ZNF793: variants seen among roughly 807,000 people sequenced by gnomAD.
The protein encoded by ZNF793 is zinc finger protein 793.
A neutral mutation model predicts 12.4 loss-of-function variants in ZNF793; 5 were observed. That is an observed-to-expected ratio of 0.40 (90% CI 0.21 to 0.84). The LOEUF (loss-of-function observed/expected upper bound fraction) is 0.84. ZNF793 is among the 40% of genes least tolerant of loss of function. The pLI is 0.35. For missense variants in ZNF793, 456 were observed against 495.0 expected (o/e 0.92, Z 0.75); for synonymous variants, 162 against 172.4 (o/e 0.94, Z 0.47).
intron 7 of ZNF793, chr19:37,536,113 C>A (rs1031223878): frequency 8.8e-6 from 2 of 227,260 alleles, no homozygotes; most frequent in Non-Finnish European, 1.7e-5. Flanking sequence ...AGTTCACAAG[C>A]CCCCTGTTTT....
chr19:37,527,374 T>A (rs1363341866), intron 5 of ZNF793, among the ~76,000 whole-genome samples: 2 of 152,200 alleles, frequency 1.3e-5, no homozygotes, highest in Admixed American at 1.3e-4. Flanking sequence ...TTCCCTTTCT[T>A]ACAGATTTCA....
chr19:37,511,351 T>C (rs960862502), intron 2 of ZNF793, among the ~76,000 whole-genome samples: 10 of 152,172 alleles, frequency 6.6e-5, no homozygotes, highest in Non-Finnish European at 1.3e-4. Context: ...GTAATTTTGT[T>C]TGAAATTCTG....
At chr19:37,536,482 C>T (rs563998374) in intron 7 of ZNF793, 14 of 404,640 alleles carry the variant, frequency 3.5e-5, no homozygotes, top group Non-Finnish European at 1.3e-5. Context: ...CAAACTGTGG[C>T]CTACCGATTG....
At position 37,534,480 on chromosome 19, in the gene ZNF793, C is replaced by CCA. The variant is rs1358412831; in HGVS notation, c.238+1087_238+1088dup. On this transcript the variant is annotated intron_variant, in intron 7 of 7. Coordinates refer to ENST00000627814, the MANE Select transcript of ZNF793 (RefSeq NM_001013659.3). Reference sequence around the variant, plus strand: ...TCTTTATTTGTCCTTGCTACCCCTGCCACACACACACTCACACTCACACAC... The same window carrying CCA: ...TCTTTATTTGTCCTTGCTACCCCTGCCACACACACACACTCACACTCACACAC... 5 of 150,138 alleles carry CCA rather than the reference C, an allele frequency of 3.3e-5. No individual in the cohort carries two copies. In the East Asian group the frequency reaches 5.9e-4, roughly 18 times the overall value. The allele number at this position is 150,138 out of a possible 1,614,324, so 9.3% of individuals were successfully genotyped here. A position where few individuals can be genotyped will look rare whatever the true frequency, so the allele number is the denominator to read the frequency against.
intron 5 of ZNF793, 39 bp downstream of exon 5, chr19:37,523,493 G>A (rs2042390677): frequency 1.2e-6 from 2 of 1,604,230 alleles, no homozygotes; most frequent in Non-Finnish European, 8.5e-7. Flanking sequence ...TCCTTCCTGG[G>A]GAAACTGTCC....
intron 2 of ZNF793, among the ~76,000 whole-genome samples, chr19:37,515,400 C>T (rs1357888205): frequency 2.0e-5 from 3 of 151,836 alleles, no homozygotes; most frequent in South Asian, 2.1e-4. Context: ...CTCCGCTTCC[C>T]GGGTCCACGC....
At chr19:37,533,185 G>A in intron 6 of ZNF793, 123 bp from the exon 7 acceptor site, 1 of 733,506 alleles carries the variant, frequency 1.4e-6, no homozygotes, top group Non-Finnish European at 2.3e-6. Context: ...TTTGGTTCTG[G>A]ACAAGGTGTG....
chr19:37,510,332 C>T lies in ZNF793; in HGVS notation c.-276+1929C>T, dbSNP rs372508855. 3.6e-4 allele frequency among the ~76,000 whole-genome samples: 55 copies of T among 151,042 alleles called. 1 individual carries two copies. In the East Asian group the frequency reaches 9.2e-3, roughly 25 times the overall value. ...CCAGCCTGGCCAACATGGTGAAACT[C>T]CGTCTCTACTAAAACTACAAAAAAA... On this transcript the variant is annotated intron_variant, in intron 2 of 7. Transcript: ENST00000627814.
At position 37,540,816 on chromosome 19, in the gene ZNF793, C is replaced by G. The variant is rs1420976157; in HGVS notation, c.*2937C>G. ...AATCAAGAGCTGTTCTCCATACTGA[C>G]AAGAAAACATAATTTATATGTACTT... On this transcript the variant is annotated 3_prime_UTR_variant, in exon 8 of 8. Transcript: ENST00000627814. The G allele has an allele frequency of 1.1e-4, 17 of 151,502 alleles. No homozygotes were observed. The allele number at this position is 151,502 out of a possible 1,614,324, so 9.4% of individuals were successfully genotyped here.
At chr19:37,527,083 A>G (rs532277284) in intron 5 of ZNF793, among the ~76,000 whole-genome samples, 88 of 152,128 alleles carry the variant, frequency 5.8e-4, no homozygotes, top group Non-Finnish European at 5.6e-4. Context: ...GAGTAGCTGG[A>G]ATTATAGGCA....
At position 37,538,188 on chromosome 19, in the gene ZNF793, T is replaced by C. The variant is rs1024166224; in HGVS notation, c.*309T>C. On this transcript the variant is annotated 3_prime_UTR_variant, in exon 8 of 8. Coordinates refer to ENST00000627814, the MANE Select transcript of ZNF793 (RefSeq NM_001013659.3). ...CCTTGTCCTCCCAAAGTGCTGGGAT[T>C]ACAGGCGTGAGCCACCGCGCCTGGC... The C allele has an allele frequency of 2.4e-5, 6 of 254,766 alleles. No homozygotes were observed. The highest frequency in any genetic ancestry group is 3.8e-5 in the Non-Finnish European group (5 of 133,100). 15.8% of individuals were successfully genotyped at this position (254,766 alleles called of 1,614,324 possible). A position where few individuals can be genotyped will look rare whatever the true frequency, so the allele number is the denominator to read the frequency against.
chr19:37,512,279 G>C (rs1385079118), intron 2 of ZNF793, among the ~76,000 whole-genome samples: 1 of 152,126 alleles, frequency 6.6e-6, no homozygotes, highest in African/African-American at 2.4e-5. Context: ...CACTTTGGGA[G>C]GCCGAGGTGG....
intron 5 of ZNF793, among the ~76,000 whole-genome samples, chr19:37,529,411 A>G (rs2042440153): frequency 1.3e-5 from 2 of 151,848 alleles, no homozygotes; most frequent in Admixed American, 1.3e-4. Context: ...ATTGACTTTA[A>G]AACTGCCTGT....
intron 2 of ZNF793, among the ~76,000 whole-genome samples, 165 bp from the exon 3 acceptor site, chr19:37,520,019 C>G (rs901153062): frequency 2.6e-5 from 4 of 152,198 alleles, no homozygotes; most frequent in Non-Finnish European, 5.9e-5. Context: ...GGGAGTGACT[C>G]AGACACAAGG....
intron 7 of ZNF793, chr19:37,536,434 A>G (rs1252074340): frequency 1.7e-5 from 7 of 403,464 alleles, no homozygotes; most frequent in East Asian, 3.5e-5. Context: ...AAGGTACTGT[A>G]TAACATTTAA....
At chr19:37,531,777 CCAGA>C (rs1458227048) in intron 5 of ZNF793, among the ~76,000 whole-genome samples, 18 of 152,280 alleles carry the variant, frequency 1.2e-4, no homozygotes, top group African/African-American at 2.6e-4. Context: ...TCTCTCTGTG[CCAGA>C]CAGTGAGCTC....
chr19:37,515,363 A>G (rs1376678533), intron 2 of ZNF793, among the ~76,000 whole-genome samples: 2 of 149,852 alleles, frequency 1.3e-5, no homozygotes, highest in Non-Finnish European at 3.0e-5. Flanking sequence ...GCTGGAGTGC[A>G]GTGGCGCAAT....
At chr19:37,522,986 CAAAT>C (rs935486878) in intron 4 of ZNF793, among the ~76,000 whole-genome samples, 7 of 152,100 alleles carry the variant, frequency 4.6e-5, no homozygotes, top group Non-Finnish European at 8.8e-5. Flanking sequence ...GTATTTGAAA[CAAAT>C]AAGAGATAAA....
At chr19:37,524,776 T>C (rs1441684749) in intron 5 of ZNF793, among the ~76,000 whole-genome samples, 1 of 152,254 alleles carries the variant, frequency 6.6e-6, no homozygotes, top group Non-Finnish European at 1.5e-5. Flanking sequence ...GGGTGATTTG[T>C]AGGTGTAGCC....
Sources: gnomAD v4.1 joint callset for allele counts (sites outside exome capture counted in the v4.1 genomes callset) on GRCh38, gnomAD v4.1.1 for gene constraint, MANE v1.5 for transcripts, NCBI Gene and HGNC (gene_info 2026-07-23, HGNC 2026-07-21) for gene names.